The following USP12 variants were observed in gnomAD, a reference collection of about 807,000 sequenced individuals.
USP12 encodes ubiquitin carboxyl-terminal hydrolase 12.
Under a neutral mutation model 45.5 loss-of-function variants are expected in USP12, and 19 were observed. The observed-to-expected ratio is 0.42, with a 90% CI of 0.29 to 0.61. USP12 has a LOEUF of 0.61. USP12 is among the 20% of genes least tolerant of loss of function. USP12 has a pLI of 0.22. For missense variants in USP12, 242 were observed against 447.7 expected, an observed-to-expected ratio of 0.54 and a Z score of 4.15; for synonymous variants, 149 against 148.8, an observed-to-expected ratio of 1.00 and a Z score of -0.01.
chr13:27,073,695 G>C (rs564954212), intron 7 of USP12, among the ~76,000 whole-genome samples: 2 of 152,204 alleles, frequency 1.3e-5, no homozygotes, highest in African/African-American at 4.8e-5. Context: ...TAAGATGTGA[G>C]AAGGTAATAT....
At chr13:27,099,392 T>A (rs867151142) in intron 3 of USP12, among the ~76,000 whole-genome samples, 4 of 152,150 alleles carry the variant, frequency 2.6e-5, no homozygotes, top group Admixed American at 1.3e-4. Context: ...CGCTATGTTG[T>A]CCAGGCTGAT....
In USP12 at chr13:27,067,445, A is replaced by G. The variant is rs1873049311; in HGVS notation, c.*1838T>C. On this transcript the variant is annotated 3_prime_UTR_variant, in exon 9 of 9. Coordinates refer to ENST00000282344, the MANE Select transcript of USP12 (RefSeq NM_182488.4). ...CTGGCTTATATATAATTTGTACAAA[A>G]CACCTCTAGCCAGGGTAAGGCTTTA... 1.3e-5 allele frequency: 2 copies of G among 152,218 alleles called. No individual in the cohort carries two copies. The highest frequency in any genetic ancestry group is 4.8e-5 in the African/African-American group (2 of 41,438). The allele number at this position is 152,218 out of a possible 1,614,324, so 9.4% of individuals were successfully genotyped here. A position where few individuals can be genotyped will look rare whatever the true frequency, so the allele number is the denominator to read the frequency against.
At chr13:27,104,951 T>C (rs1042679297) in intron 3 of USP12, among the ~76,000 whole-genome samples, 1 of 152,216 alleles carries the variant, frequency 6.6e-6, no homozygotes, top group African/African-American at 2.4e-5. Flanking sequence ...TTATCTAAAT[T>C]CCATTTGAAT....
chr13:27,144,642 G>C (rs1177201278), intron 1 of USP12, among the ~76,000 whole-genome samples: 1 of 151,218 alleles, frequency 6.6e-6, no homozygotes, highest in East Asian at 1.9e-4. Flanking sequence ...AGAGACTAAA[G>C]AGATGTAACA....
At chr13:27,161,106 A>G (rs949222559) in intron 1 of USP12, among the ~76,000 whole-genome samples, 8 of 152,190 alleles carry the variant, frequency 5.3e-5, no homozygotes, top group Non-Finnish European at 2.9e-5. Flanking sequence ...GCAAACTTCA[A>G]AGTCCCAGCT....
At chr13:27,133,482 G>A (rs1876609775) in intron 1 of USP12, among the ~76,000 whole-genome samples, 2 of 152,130 alleles carry the variant, frequency 1.3e-5, no homozygotes, top group Non-Finnish European at 2.9e-5. Context: ...ACAAAAATTA[G>A]CCGGGTGTGG....
intron 1 of USP12, among the ~76,000 whole-genome samples, chr13:27,134,709 A>C (rs1021027768): frequency 6.6e-6 from 1 of 152,044 alleles, no homozygotes; most frequent in African/African-American, 2.4e-5. Context: ...TGATGTCATG[A>C]TTGTACAAGA....
intron 1 of USP12, among the ~76,000 whole-genome samples, chr13:27,163,358 C>T (rs888138950): frequency 9.9e-5 from 15 of 152,156 alleles, no homozygotes; most frequent in Non-Finnish European, 2.1e-4. Flanking sequence ...AAGAGTAACA[C>T]ATTATCTATT....
At chr13:27,112,674 G>T (rs1417521155) in intron 2 of USP12, among the ~76,000 whole-genome samples, 1 of 152,088 alleles carries the variant, frequency 6.6e-6, no homozygotes, top group Non-Finnish European at 1.5e-5. Flanking sequence ...TAATAGATCT[G>T]CCACAGCAGA....
At chr13:27,171,534 G>A in intron 1 of USP12, 58 bp downstream of exon 1, 7 of 1,034,166 alleles carry the variant, frequency 6.8e-6, no homozygotes, top group Non-Finnish European at 7.2e-6. Flanking sequence ...CGGGTCCAGC[G>A]CCGCCCGCCC....
In USP12 at chr13:27,104,792, A is replaced by AG. The variant is rs1875050263; in HGVS notation, c.343+938dup. Among the ~76,000 whole-genome samples the AG allele has an allele frequency of 3.3e-5, 5 of 152,330 alleles. No individual in the cohort carries two copies. In the South Asian group the frequency reaches 1.0e-3, roughly 32 times the overall value. On this transcript the variant is annotated intron_variant, in intron 3 of 8. Transcript: ENST00000282344. The stretch of plus-strand genomic sequence containing the variant: ...TAATTTAAAGGCAGGATTACGCAAT[A>AG]GGGTATTTAATAATCCATCTTAATG...
chr13:27,088,792 C>G (rs1376660129), intron 6 of USP12, among the ~76,000 whole-genome samples: 1 of 152,130 alleles, frequency 6.6e-6, no homozygotes, highest in East Asian at 1.9e-4. Flanking sequence ...TGTTTTGTAT[C>G]CCGTCCCTGT....
chr13:27,117,345 A>G (rs1056953862), intron 1 of USP12, among the ~76,000 whole-genome samples: 5 of 152,192 alleles, frequency 3.3e-5, no homozygotes, highest in Non-Finnish European at 7.3e-5. Flanking sequence ...AAATATGCAC[A>G]TGCTCAGTGG....
chr13:27,139,381 G>A (rs527911727), intron 1 of USP12, among the ~76,000 whole-genome samples: 4 of 152,260 alleles, frequency 2.6e-5, no homozygotes, highest in African/African-American at 7.2e-5. Context: ...TTTGGAAGGC[G>A]GAGGCGGGAG....
chr13:27,076,808 G>A (rs972353403), intron 6 of USP12, among the ~76,000 whole-genome samples: 2 of 152,046 alleles, frequency 1.3e-5, no homozygotes, highest in African/African-American at 2.4e-5. Flanking sequence ...TAAATATGGT[G>A]GATAGCTTAT....
chr13:27,168,013 C>A (rs1878424834), intron 1 of USP12, among the ~76,000 whole-genome samples: 1 of 152,206 alleles, frequency 6.6e-6, no homozygotes. Context: ...GAAAAGACAG[C>A]CAGTTTCACC....
intron 3 of USP12, among the ~76,000 whole-genome samples, chr13:27,098,815 T>C (rs562072349): frequency 2.0e-5 from 3 of 152,340 alleles, no homozygotes; most frequent in Non-Finnish European, 2.9e-5. Flanking sequence ...AATTATGCTA[T>C]AATTTTGTTA....
intron 1 of USP12, among the ~76,000 whole-genome samples, chr13:27,153,624 C>T (rs1877684299): frequency 6.6e-6 from 1 of 152,134 alleles, no homozygotes; most frequent in Non-Finnish European, 1.5e-5. Flanking sequence ...TCCCCTTCCA[C>T]AAGTCACCCT....
chr13:27,118,886 C>T (rs74041201), intron 1 of USP12, among the ~76,000 whole-genome samples: 1,711 of 152,312 alleles, frequency 0.011, 39 homozygotes, highest in African/African-American at 0.039. Context: ...ACATGTCCAC[C>T]TGTCACCATA....
Sources: gnomAD v4.1 joint callset for allele counts (sites outside exome capture counted in the v4.1 genomes callset) on GRCh38, gnomAD v4.1.1 for gene constraint, MANE v1.5 for transcripts, NCBI Gene and HGNC (gene_info 2026-07-23, HGNC 2026-07-21) for gene names.